The following WDHD1 variants were observed in gnomAD, a reference collection of about 807,000 sequenced individuals.
WDHD1 encodes the protein WD repeat and HMG-box DNA binding protein 1, also known as WD repeat and HMG-box DNA-binding protein 1.
WDHD1 carries 111 observed loss-of-function variants against 135.4 expected under a neutral mutation model. That is an observed-to-expected ratio of 0.82 (90% CI 0.70 to 0.96). WDHD1 has a LOEUF of 0.96. Ranked by LOEUF, WDHD1 falls within the 40% of genes least tolerant of loss-of-function variation. WDHD1 has a pLI of 0.00. For synonymous variants in WDHD1, 434 were observed against 439.0 expected (o/e 0.99, Z 0.14); for missense variants, 1,351 against 1,336.3 (o/e 1.01, Z -0.17).
intron 17 of WDHD1, 151 bp downstream of exon 17, chr14:54,967,129 C>G (rs1207605068): frequency 3.5e-6 from 2 of 573,836 alleles, no homozygotes; most frequent in Non-Finnish European, 5.8e-6. Context: ...CCTGGTGATC[C>G]CAAGCAGTCC....
chr14:55,021,291 T>C (rs1304449651), intron 2 of WDHD1, among the ~76,000 whole-genome samples: 1 of 152,244 alleles, frequency 6.6e-6, no homozygotes, highest in Admixed American at 6.5e-5. Context: ...GTCAATTTGT[T>C]TTCTGGCACT....
At position 55,026,837 on chromosome 14, in the gene WDHD1, T is replaced by C. The variant is rs2042454396; in HGVS notation, c.-16-34A>G. 3.7e-6 allele frequency: 6 copies of C among 1,605,626 alleles called. No individual in the cohort carries two copies. The Middle Eastern group carries it at 5.0e-4, about 133-fold the overall frequency. On this transcript the variant is annotated intron_variant, in intron 1 of 25. Transcript: ENST00000360586. ...GTTTTATAAAAGCCAGTCTTATTAT[T>C]TCAAAAGAGAAAAGCAGCGAGGCTA... is the stretch of plus-strand genomic sequence containing the variant.
rs767924597 is a variant in WDHD1, at chr14:54,966,572, T to C, written c.2213A>G (p.His738Arg). 5.0e-6 allele frequency: 8 copies of C among 1,608,582 alleles called. No homozygotes were observed. Among genetic ancestry groups the C allele is most frequent in the Non-Finnish European group, 6.8e-6 (8 of 1,178,824 alleles). The change falls in exon 18 of 26, where the codon CAC becomes CGC. Residue 738 changes from histidine to arginine, a missense_variant. His to Arg is a conservative substitution (Grantham distance 29, BLOSUM62 0). Around this residue, in one of 2 missense-constraint regions of WDHD1, gnomAD observed 1,330 missense variants for 1,296.1 expected, o/e 1.03. Transcript: ENST00000360586. ...QFWRSVIFHN[H>R]LDYLAKNGYE... ...ACCATTTTTAGCTAAATAATCAAGG[T>C]GGTTGTGAAATATAACTGAACGCCA...
rs66881784 is a variant in WDHD1, at chr14:54,993,748, A to ATT, written c.1153+1853_1153+1854dup. ...GATTGCAATGCCACTCTTCTCACTAATTTTTTTTGTTTTTCATAAAAAAGT... is the reference window on the plus strand; with the variant it reads ...GATTGCAATGCCACTCTTCTCACTAATTTTTTTTTTGTTTTTCATAAAAAAGT... On this transcript the variant is annotated intron_variant, in intron 11 of 25. Transcript: ENST00000360586. 5.5e-3 allele frequency among the ~76,000 whole-genome samples: 820 copies of ATT among 149,236 alleles called. 10 individuals are homozygous for ATT. Among genetic ancestry groups the ATT allele is most frequent in the African/African-American group, 0.019 (776 of 41,258 alleles).
In WDHD1 at chr14:54,962,890, C is replaced by A. The variant is rs1402592181; in HGVS notation, c.2532-37G>T. The A allele has an allele frequency of 4.3e-6, 7 of 1,610,986 alleles. No individual in the cohort carries two copies. The Admixed American group carries it at 1.2e-4, about 27-fold the overall frequency. On this transcript the variant is annotated intron_variant, in intron 19 of 25. Transcript: ENST00000360586. ...TAATATTATTCAATAAAGAGCTATGCAAAGACCAACTTAACATTCAAGACA... is the reference window on the plus strand; with the variant it reads ...TAATATTATTCAATAAAGAGCTATGAAAAGACCAACTTAACATTCAAGACA...
chr14:54,985,374 C>T (rs1274444071), intron 14 of WDHD1, among the ~76,000 whole-genome samples: 1 of 151,982 alleles, frequency 6.6e-6, no homozygotes, highest in Non-Finnish European at 1.5e-5. Context: ...GGAAGGAACA[C>T]GGAAGTGGAT....
At chr14:54,990,574 C>G (rs369874357) in intron 12 of WDHD1, among the ~76,000 whole-genome samples, 3 of 141,548 alleles carry the variant, frequency 2.1e-5, no homozygotes, top group African/African-American at 7.9e-5. Context: ...CCAGCCTGGG[C>G]AACAGAGCGA....
chr14:55,026,632 T>C (rs1187878), intron 2 of WDHD1, 79 bp downstream of exon 2: 864,522 of 1,374,782 alleles, frequency 0.63, 274,560 homozygotes, highest in East Asian at 0.77. Flanking sequence ...GAGTCATTTT[T>C]AGCTGACTGC....
chr14:54,986,581 C>T (rs942623986), intron 14 of WDHD1, among the ~76,000 whole-genome samples: 2 of 151,972 alleles, frequency 1.3e-5, no homozygotes, highest in African/African-American at 4.8e-5. Context: ...TACACTCCAG[C>T]TAAAAGATAG....
chr14:54,951,627 G>C lies in WDHD1; in HGVS notation c.3050+3934C>G, dbSNP rs1254252959. Reference sequence around the variant, plus strand: ...ACTATTCCAATCAATAGAAAAAGAGGGAATCCTCCCTAACTCATTTTATGA... The same window carrying C: ...ACTATTCCAATCAATAGAAAAAGAGCGAATCCTCCCTAACTCATTTTATGA... On this transcript the variant is annotated intron_variant, in intron 24 of 25. Transcript: ENST00000360586. Among the ~76,000 whole-genome samples, 6 of 152,090 alleles carry C rather than the reference G, an allele frequency of 3.9e-5. No homozygotes were observed. The East Asian group carries it at 1.2e-3, about 29-fold the overall frequency.
chr14:54,974,275 T>C (rs1298554135), intron 16 of WDHD1, among the ~76,000 whole-genome samples: 10 of 151,354 alleles, frequency 6.6e-5, no homozygotes, highest in East Asian at 3.9e-4. Context: ...ATACAAAAAA[T>C]ACAAAAAATT....
intron 24 of WDHD1, among the ~76,000 whole-genome samples, chr14:54,954,853 C>G (rs2041126161): frequency 1.3e-5 from 2 of 152,146 alleles, no homozygotes; most frequent in South Asian, 4.1e-4. Context: ...CCTCAGCCTT[C>G]CGATTTGCTG....
chr14:55,009,433 A>ATT (rs769487727), intron 4 of WDHD1, among the ~76,000 whole-genome samples: 4 of 144,098 alleles, frequency 2.8e-5, no homozygotes, highest in Non-Finnish European at 3.1e-5. Flanking sequence ...AAGTAAAATA[A>ATT]TTTTTTTTTT....
chr14:55,020,923 T>C (rs917799480), intron 2 of WDHD1, among the ~76,000 whole-genome samples: 2 of 152,190 alleles, frequency 1.3e-5, no homozygotes, highest in African/African-American at 4.8e-5. Flanking sequence ...ATATTTACTA[T>C]TTATTAAGTG....
chr14:54,974,306 A>ACCTG (rs1452511373), intron 16 of WDHD1, among the ~76,000 whole-genome samples: 1 of 151,734 alleles, frequency 6.6e-6, no homozygotes, highest in East Asian at 1.9e-4. Flanking sequence ...GGCAGCATGG[A>ACCTG]CCTGTAGCTT....
chr14:54,980,773 C>T (rs1490225029), intron 16 of WDHD1, among the ~76,000 whole-genome samples: 1 of 140,990 alleles, frequency 7.1e-6, no homozygotes, highest in East Asian at 2.1e-4. Context: ...CACTGTACTC[C>T]AGCCTGGGTG....
At position 54,941,445 on chromosome 14, in the gene WDHD1, T is replaced by C. The variant is rs750048513; in HGVS notation, c.*45A>G. Reference sequence around the variant, plus strand: ...AAAGACTCGAGTCTATATTCAAAGATGAGTAAAAAAAAATCCATTACTTCC... The same window carrying C: ...AAAGACTCGAGTCTATATTCAAAGACGAGTAAAAAAAAATCCATTACTTCC... On this transcript the variant is annotated 3_prime_UTR_variant, in exon 26 of 26. Coordinates refer to ENST00000360586, the MANE Select transcript of WDHD1 (RefSeq NM_007086.4). The C allele has an allele frequency of 5.9e-6, 9 of 1,528,086 alleles. No individual in the cohort carries two copies. The highest frequency in any genetic ancestry group is 8.0e-6 in the Non-Finnish European group (9 of 1,129,406). 94.7% of individuals were successfully genotyped at this position (1,528,086 alleles called of 1,614,324 possible).
Position 54,943,664 on chromosome 14 carries a change from C to A in WDHD1, c.3189+668G>T, listed in dbSNP as rs1465792532. ...CCTCCTGCCTTGGCCTCCCAAAGTG[C>A]TAGGATTACAGGCTTGAGCCAACGA... On this transcript the variant is annotated intron_variant, in intron 25 of 25. Coordinates refer to ENST00000360586, the MANE Select transcript of WDHD1 (RefSeq NM_007086.4). Among the ~76,000 whole-genome samples, 3 of 152,186 alleles carry A rather than the reference C, an allele frequency of 2.0e-5. No individual in the cohort carries two copies. The East Asian group carries it at 5.8e-4, about 29-fold the overall frequency.
chr14:54,966,446 A>C (rs371678395), intron 18 of WDHD1, 29 bp downstream of exon 18: 19 of 1,581,254 alleles, frequency 1.2e-5, no homozygotes, highest in Admixed American at 2.0e-5. Flanking sequence ...ATTTAACTTT[A>C]ACGTTTTCAG....
Sources: allele counts gnomAD v4.1 joint callset (sites outside exome capture counted in the v4.1 genomes callset), GRCh38; gene constraint gnomAD v4.1.1; regional missense constraint gnomAD v4.1.1; transcripts MANE v1.5; gene names NCBI Gene and HGNC (gene_info 2026-07-23, HGNC 2026-07-21).